ADAMTS6: variants seen among roughly 807,000 people sequenced by gnomAD.
ADAMTS6 encodes the protein A disintegrin and metalloproteinase with thrombospondin motifs 6.
Under a neutral mutation model 144.3 loss-of-function variants are expected in ADAMTS6, and 23 were observed. The observed-to-expected ratio is 0.16, with a 90% CI of 0.11 to 0.23. ADAMTS6 has a LOEUF of 0.23. Ranked by LOEUF, ADAMTS6 falls within the 10% of genes least tolerant of loss-of-function variation. The probability of loss-of-function intolerance (pLI) is 1.00; values close to 1 mark genes in which losing one functional copy is unlikely to be tolerated. For synonymous variants in ADAMTS6, 444 were observed against 457.5 expected, an observed-to-expected ratio of 0.97 and a Z score of 0.38; for missense variants, 999 against 1,379.6, an observed-to-expected ratio of 0.72 and a Z score of 4.37.
At chr5:65,255,774 A>T (rs961305317) in intron 14 of ADAMTS6, among the ~76,000 whole-genome samples, 2 of 152,006 alleles carry the variant, frequency 1.3e-5, no homozygotes, top group Non-Finnish European at 2.9e-5. Context: ...CTGAGCAATT[A>T]AAAAAAATTT....
chr5:65,266,429 A>G (rs546727906), intron 12 of ADAMTS6, among the ~76,000 whole-genome samples: 1 of 152,102 alleles, frequency 6.6e-6, no homozygotes, highest in African/African-American at 2.4e-5. Context: ...ACAAACATTA[A>G]TGGGTAAATA....
chr5:65,216,452 C>T (rs1042597797), intron 18 of ADAMTS6, among the ~76,000 whole-genome samples: 1 of 151,316 alleles, frequency 6.6e-6, no homozygotes, highest in African/African-American at 2.4e-5. Flanking sequence ...TGGGGATTCA[C>T]CTGCTTAATG....
chr5:65,337,987 G>A (rs1337490225), intron 7 of ADAMTS6, among the ~76,000 whole-genome samples: 1 of 152,168 alleles, frequency 6.6e-6, no homozygotes, highest in Non-Finnish European at 1.5e-5. Context: ...ACAAAAATCA[G>A]TCACTACTAA....
At chr5:65,396,048 T>TA (rs1421710936) in intron 7 of ADAMTS6, among the ~76,000 whole-genome samples, 3 of 152,170 alleles carry the variant, frequency 2.0e-5, no homozygotes, top group Non-Finnish European at 4.4e-5. Context: ...CTTCAGTTCT[T>TA]AAAAAATAAA....
Position 65,226,351 on chromosome 5 carries a change from CT to C in ADAMTS6, c.1934-133del, listed in dbSNP as rs970815021. ...CTTATATGCCTGATTGTGTAGGTTT[CT>C]TTCCCCCTTTTCTAAAATTTCACCT... On this transcript the variant is annotated intron_variant, in intron 15 of 24. Transcript: ENST00000381055. 3.6e-5 allele frequency: 32 copies of C among 896,686 alleles called. 1 individual carries two copies. The Admixed American group carries it at 1.1e-3, about 30-fold the overall frequency. 55.5% of individuals were successfully genotyped at this position (896,686 alleles called of 1,614,324 possible). A position where few individuals can be genotyped will look rare whatever the true frequency, so the allele number is the denominator to read the frequency against.
chr5:65,375,860 CCAAATGTCCAA>C (rs1751482213), intron 7 of ADAMTS6, among the ~76,000 whole-genome samples: 2 of 152,094 alleles, frequency 1.3e-5, no homozygotes, highest in African/African-American at 4.8e-5. Flanking sequence ...TGGAACCAAC[CCAAATGTCCAA>C]CAATGATAGG....
At chr5:65,216,142 T>G (rs1272904513) in intron 18 of ADAMTS6, among the ~76,000 whole-genome samples, 1 of 152,118 alleles carries the variant, frequency 6.6e-6, no homozygotes, top group African/African-American at 2.4e-5. Flanking sequence ...ACACACATAT[T>G]CATAGTAGCA....
chr5:65,370,385 T>G lies in ADAMTS6; in HGVS notation c.1074-36300A>C, dbSNP rs1473128002. Among the ~76,000 whole-genome samples, 7 of 151,912 alleles carry G rather than the reference T, an allele frequency of 4.6e-5. No individual in the cohort carries two copies. The East Asian group carries it at 1.2e-3, about 25-fold the overall frequency. ...GTACCGGGTTCATCTCACTAGGGAG[T>G]GTCAGACAGCGCGCGCAGGTCAGTG... On this transcript the variant is annotated intron_variant, in intron 7 of 24. Coordinates refer to ENST00000381055, the MANE Select transcript of ADAMTS6 (RefSeq NM_197941.4).
Position 65,208,344 on chromosome 5 carries a change from G to A in ADAMTS6, c.2575+6450C>T, listed in dbSNP as rs79863513. Among the ~76,000 whole-genome samples, 82 of 152,316 alleles carry A rather than the reference G, an allele frequency of 5.4e-4. 1 individual carries two copies. The East Asian group carries it at 0.015, about 29-fold the overall frequency. The stretch of plus-strand genomic sequence containing the variant: ...CAGCCAATTAAAGAAGACTCTCTGG[G>A]GGTGGGGACAAAGTATCATCATTGT... On this transcript the variant is annotated intron_variant, in intron 20 of 24. Transcript: ENST00000381055.
At chr5:65,446,522 G>A (rs1758281928) in intron 7 of ADAMTS6, among the ~76,000 whole-genome samples, 1 of 152,110 alleles carries the variant, frequency 6.6e-6, no homozygotes, top group Non-Finnish European at 1.5e-5. Flanking sequence ...TATAAATCCT[G>A]TGCTTTTCAT....
At chr5:65,459,686 G>T (rs528980237) in intron 4 of ADAMTS6, among the ~76,000 whole-genome samples, 1 of 152,234 alleles carries the variant, frequency 6.6e-6, no homozygotes, top group South Asian at 2.1e-4. Context: ...CTTCTTCCAT[G>T]AAGCTTTCCT....
Position 65,215,567 on chromosome 5 carries a change from T to A in ADAMTS6, c.2273-80A>T. On this transcript the variant is annotated intron_variant, in intron 18 of 24. Transcript: ENST00000381055. ...TCACTGATTAATTACTGCAATAAAG[T>A]ATACAATGAATACCGATTTCCATTT... 4.0e-6 allele frequency: 5 copies of A among 1,245,764 alleles called. No individual in the cohort carries two copies. The South Asian group carries it at 6.0e-5, about 15-fold the overall frequency. 77.2% of individuals were successfully genotyped at this position (1,245,764 alleles called of 1,614,324 possible).
intron 1 of ADAMTS6, among the ~76,000 whole-genome samples, chr5:65,480,322 C>G (rs535293183): frequency 6.6e-6 from 1 of 152,174 alleles, no homozygotes; most frequent in South Asian, 2.1e-4. Flanking sequence ...CTCCCCCCGC[C>G]CCCACCATTC....
rs912572091 is a variant in ADAMTS6 at position 65,218,746 on chromosome 5, G to T, written c.2273-3259C>A. Among the ~76,000 whole-genome samples the T allele has an allele frequency of 2.0e-5, 3 of 151,942 alleles. No homozygotes were observed. The South Asian group carries it at 6.2e-4, about 32-fold the overall frequency. ...TGCTTGTTTTAAAATTTTTTAAAAA[G>T]ATAATTGGCTCTTTGAAACAAAAAT... On this transcript the variant is annotated intron_variant, in intron 18 of 24. Coordinates refer to ENST00000381055, the MANE Select transcript of ADAMTS6 (RefSeq NM_197941.4).
chr5:65,264,437 C>T (rs1761451809), intron 12 of ADAMTS6, among the ~76,000 whole-genome samples: 2 of 152,086 alleles, frequency 1.3e-5, no homozygotes, highest in South Asian at 4.1e-4. Flanking sequence ...GCTGTCTTCT[C>T]ATCTTTCAGT....
chr5:65,212,468 C>CTTCTATT (rs1234076465), intron 20 of ADAMTS6, among the ~76,000 whole-genome samples: 1 of 138,616 alleles, frequency 7.2e-6, no homozygotes, highest in Non-Finnish European at 1.5e-5. Flanking sequence ...CAAGAAATCA[C>CTTCTATT]TTCTATTTCT....
intron 11 of ADAMTS6, among the ~76,000 whole-genome samples, chr5:65,274,727 T>C (rs934195156): frequency 3.3e-5 from 5 of 152,102 alleles, no homozygotes; most frequent in African/African-American, 9.7e-5. Context: ...CTGTGTCACC[T>C]AGGCTGGAGT....
chr5:65,448,103 C>A (rs1022726621), intron 7 of ADAMTS6, among the ~76,000 whole-genome samples: 1 of 150,072 alleles, frequency 6.7e-6, no homozygotes, highest in East Asian at 1.9e-4. Flanking sequence ...ATAGTATACA[C>A]ATATATGTAC....
intron 1 of ADAMTS6, among the ~76,000 whole-genome samples, chr5:65,475,625 T>A (rs1391296297): frequency 6.6e-6 from 1 of 152,078 alleles, no homozygotes; most frequent in South Asian, 2.1e-4. Context: ...TTCAGATAGA[T>A]CCCGGAAGAC....
Sources: allele counts gnomAD v4.1 joint callset (sites outside exome capture counted in the v4.1 genomes callset), GRCh38; gene constraint gnomAD v4.1.1; transcripts MANE v1.5; gene names NCBI Gene and HGNC (gene_info 2026-07-23, HGNC 2026-07-21).